The following DMRT1 variants were observed in gnomAD, a reference collection of about 807,000 sequenced individuals.
DMRT1 encodes the protein doublesex- and mab-3-related transcription factor 1.
In DMRT1, 7 loss-of-function variants were observed where a neutral mutation model predicts 32.3. The observed-to-expected ratio is 0.22, with a 90% CI of 0.12 to 0.41. The LOEUF is 0.41. DMRT1 is among the 10% of genes least tolerant of loss of function. The pLI is 1.00. For synonymous variants in DMRT1, 278 were observed against 206.1 expected, an observed-to-expected ratio of 1.35 and a Z score of -2.99; for missense variants, 625 against 500.5, an observed-to-expected ratio of 1.25 and a Z score of -2.37.
intron 2 of DMRT1, among the ~76,000 whole-genome samples, chr9:885,101 C>T (rs2132636711): frequency 6.6e-6 from 1 of 152,278 alleles, no homozygotes; most frequent in African/African-American, 2.4e-5. Flanking sequence ...CTTCAGTGCC[C>T]CACTGCTCAA....
rs187549607 is a variant in DMRT1 at position 938,649 on chromosome 9, G to A, written c.967+21742G>A. Among the ~76,000 whole-genome samples, 586 of 152,116 alleles carry A rather than the reference G, an allele frequency of 3.9e-3. 3 individuals are homozygous for A. Among genetic ancestry groups the A allele is most frequent in the African/African-American group, 0.013 (558 of 41,504 alleles). ...TATTAGCTCTATCAGTTTTTTTGTG[G>A]ATTCTCTAGTATTTTCTATAATAAG... On this transcript the variant is annotated intron_variant, in intron 4 of 4. Coordinates refer to ENST00000382276, the MANE Select transcript of DMRT1 (RefSeq NM_021951.3).
chr9:965,047 G>A lies in DMRT1; in HGVS notation c.968-2938G>A, dbSNP rs1008763063. On this transcript the variant is annotated intron_variant, in intron 4 of 4. Coordinates refer to ENST00000382276, the MANE Select transcript of DMRT1 (RefSeq NM_021951.3). The surrounding 1 kb of genome is among the most constrained non-coding windows in gnomAD (Gnocchi z 4.5). ...AATTGGTATGAAATAATTTACAACGGTCAACTATTAGCCTTCTCCTTCCAA... is the reference window on the plus strand; with the variant it reads ...AATTGGTATGAAATAATTTACAACGATCAACTATTAGCCTTCTCCTTCCAA... Among the ~76,000 whole-genome samples, 10 of 152,152 alleles carry A rather than the reference G, an allele frequency of 6.6e-5. No homozygotes were observed. Among genetic ancestry groups the A allele is most frequent in the Admixed American group, 6.5e-5 (1 of 15,268 alleles).
intron 3 of DMRT1, among the ~76,000 whole-genome samples, chr9:904,926 G>A (rs1441367947): frequency 4.8e-5 from 6 of 124,312 alleles, no homozygotes; most frequent in Non-Finnish European, 8.1e-5. Context: ...TGGGCAACAA[G>A]AACGAAACTC....
chr9:938,548 A>C (rs1459309809), intron 4 of DMRT1, among the ~76,000 whole-genome samples: 2 of 152,124 alleles, frequency 1.3e-5, no homozygotes, highest in African/African-American at 4.8e-5. Flanking sequence ...AGAATTTCTT[A>C]ATATTTTGTT....
At chr9:886,788 C>T (rs1221252032) in intron 2 of DMRT1, among the ~76,000 whole-genome samples, 1 of 152,152 alleles carries the variant, frequency 6.6e-6, no homozygotes, top group Non-Finnish European at 1.5e-5. Context: ...CTTAGGCTGG[C>T]CTGCCATCTT....
At chr9:862,481 C>T (rs1234183734) in intron 2 of DMRT1, among the ~76,000 whole-genome samples, 1 of 109,206 alleles carries the variant, frequency 9.2e-6, no homozygotes, top group African/African-American at 3.5e-5. Context: ...CAGAGGGAGA[C>T]GGTGCAAAGG....
intron 2 of DMRT1, among the ~76,000 whole-genome samples, chr9:859,324 C>G (rs1275905732): frequency 1.3e-5 from 2 of 152,112 alleles, no homozygotes; most frequent in Non-Finnish European, 2.9e-5. Context: ...GGACTGTATA[C>G]TAACACCTTA....
Position 965,390 on chromosome 9 carries a change from T to C in DMRT1, c.968-2595T>C, listed in dbSNP as rs1370198834. 6.6e-6 allele frequency among the ~76,000 whole-genome samples: 1 copy of C among 152,260 alleles called. No homozygotes were observed. The highest frequency in any genetic ancestry group is 1.5e-5 in the Non-Finnish European group (1 of 68,050). Reference sequence around the variant, plus strand: ...TTACATTTTCTCTAGAGTGCAGTCATGCATTAAAAGTATGCTTGGAGCCCC... The same window carrying C: ...TTACATTTTCTCTAGAGTGCAGTCACGCATTAAAAGTATGCTTGGAGCCCC... On this transcript the variant is annotated intron_variant, in intron 4 of 4. Transcript: ENST00000382276. The surrounding 1 kb of genome is among the most constrained non-coding windows in gnomAD (Gnocchi z 4.5).
At chr9:843,828 T>G (rs1368123807) in intron 1 of DMRT1, among the ~76,000 whole-genome samples, 1 of 152,238 alleles carries the variant, frequency 6.6e-6, no homozygotes, top group African/African-American at 2.4e-5. Flanking sequence ...ACAAATGTGT[T>G]TTATACTAAA....
At chr9:852,121 G>C (rs1292513782) in intron 2 of DMRT1, among the ~76,000 whole-genome samples, 2 of 151,830 alleles carry the variant, frequency 1.3e-5, no homozygotes, top group African/African-American at 4.8e-5. Context: ...TATTTTAGTA[G>C]AGATGGGGTT....
intron 4 of DMRT1, among the ~76,000 whole-genome samples, chr9:934,639 C>G (rs1818828182): frequency 6.6e-6 from 1 of 152,140 alleles, no homozygotes; most frequent in South Asian, 2.1e-4. Context: ...TAATCCAGGT[C>G]TTTGATCCAT....
intron 2 of DMRT1, among the ~76,000 whole-genome samples, chr9:857,705 C>T (rs1172205070): frequency 6.6e-6 from 1 of 151,438 alleles, no homozygotes; most frequent in African/African-American, 2.4e-5. Flanking sequence ...ATACATGTGC[C>T]ATGTTGGTGT....
At chr9:954,781 A>G (rs957392984) in intron 4 of DMRT1, among the ~76,000 whole-genome samples, 3 of 152,030 alleles carry the variant, frequency 2.0e-5, no homozygotes, top group Admixed American at 2.0e-4. Flanking sequence ...AGCTGGGATT[A>G]CAGGTGCGTG....
chr9:935,316 G>C (rs938613355), intron 4 of DMRT1, among the ~76,000 whole-genome samples: 26 of 152,172 alleles, frequency 1.7e-4, no homozygotes, highest in African/African-American at 6.3e-4. Context: ...GCAAACGAGG[G>C]GGGCAGATGG....
intron 4 of DMRT1, among the ~76,000 whole-genome samples, chr9:917,853 A>T (rs1012786666): frequency 2.0e-5 from 3 of 152,222 alleles, no homozygotes; most frequent in African/African-American, 7.2e-5. Context: ...TATTAATATG[A>T]AATATATAGG....
intron 4 of DMRT1, among the ~76,000 whole-genome samples, chr9:935,330 A>G (rs1818850919): frequency 6.6e-6 from 1 of 152,224 alleles, no homozygotes; most frequent in Non-Finnish European, 1.5e-5. Flanking sequence ...CAGATGGATA[A>G]TGCCTGGCTG....
intron 3 of DMRT1, among the ~76,000 whole-genome samples, chr9:907,505 A>T (rs528192995): frequency 6.6e-6 from 1 of 152,252 alleles, no homozygotes; most frequent in East Asian, 1.9e-4. Context: ...ATGCACCAAG[A>T]CCCTTTCAGG....
chr9:856,619 CATT>C (rs1815413382), intron 2 of DMRT1, among the ~76,000 whole-genome samples: 1 of 152,106 alleles, frequency 6.6e-6, no homozygotes, highest in African/African-American at 2.4e-5. Context: ...ATATATACCA[CATT>C]ATTTTTCTGT....
At chr9:951,056 T>C (rs1819411687) in intron 4 of DMRT1, among the ~76,000 whole-genome samples, 2 of 152,176 alleles carry the variant, frequency 1.3e-5, no homozygotes, top group Admixed American at 6.5e-5. Context: ...TTTTATCTGA[T>C]TCAGTATTAC....
Sources: gnomAD v4.1 joint callset for allele counts (sites outside exome capture counted in the v4.1 genomes callset) on GRCh38, gnomAD v4.1.1 for gene constraint, Gnocchi (gnomAD v3.1) non-coding constraint, MANE v1.5 for transcripts, NCBI Gene and HGNC (gene_info 2026-07-23, HGNC 2026-07-21) for gene names.